BCL2: variants seen among roughly 807,000 people sequenced by gnomAD.
BCL2 encodes apoptosis regulator Bcl-2.
In BCL2, 1 loss-of-function variant was observed where a neutral mutation model predicts 14.2. The observed-to-expected ratio is 0.07, with a 90% CI of 0.02 to 0.33. The LOEUF (loss-of-function observed/expected upper bound fraction) is 0.33. BCL2 is among the 10% of genes least tolerant of loss of function. The probability of loss-of-function intolerance (pLI) is 0.99; values close to 1 mark genes in which losing one functional copy is unlikely to be tolerated. For missense variants in BCL2, 247 were observed against 305.9 expected, an observed-to-expected ratio of 0.81 and a Z score of 1.44; for synonymous variants, 151 against 137.2, an observed-to-expected ratio of 1.10 and a Z score of -0.70.
At chr18:63,256,014 A>G (rs937818904) in intron 2 of BCL2, among the ~76,000 whole-genome samples, 1 of 146,936 alleles carries the variant, frequency 6.8e-6, no homozygotes, top group Non-Finnish European at 1.5e-5. Flanking sequence ...TTCTTCCTTA[A>G]GGAGAGAAAG....
chr18:63,304,380 T>C (rs966102675), intron 2 of BCL2, among the ~76,000 whole-genome samples: 1 of 152,174 alleles, frequency 6.6e-6, no homozygotes, highest in South Asian at 2.1e-4. Context: ...ACCCTACTGA[T>C]GAAGGCTCCA....
intron 2 of BCL2, among the ~76,000 whole-genome samples, chr18:63,209,780 G>C (rs1909950022): frequency 6.6e-6 from 1 of 152,142 alleles, no homozygotes; most frequent in Non-Finnish European, 1.5e-5. Flanking sequence ...GCAAATGTCT[G>C]AATTTACCTG....
chr18:63,263,083 C>T (rs547544392), intron 2 of BCL2, among the ~76,000 whole-genome samples: 1 of 152,128 alleles, frequency 6.6e-6, no homozygotes, highest in Admixed American at 6.5e-5. Flanking sequence ...AAATCCTTCC[C>T]GGAAAACTGT....
intron 2 of BCL2, among the ~76,000 whole-genome samples, chr18:63,270,230 A>G (rs1911966895): frequency 6.6e-6 from 1 of 152,212 alleles, no homozygotes; most frequent in South Asian, 2.1e-4. Context: ...AGCTGCAACA[A>G]TTCCATTTCT....
At chr18:63,228,019 C>G (rs1910594329) in intron 2 of BCL2, among the ~76,000 whole-genome samples, 1 of 152,216 alleles carries the variant, frequency 6.6e-6, no homozygotes, top group African/African-American at 2.4e-5. Flanking sequence ...GGTGAGGCCT[C>G]TCTTTTTGGC....
chr18:63,258,283 A>G (rs1176902730), intron 2 of BCL2, among the ~76,000 whole-genome samples: 1 of 152,212 alleles, frequency 6.6e-6, no homozygotes, highest in Non-Finnish European at 1.5e-5. Context: ...TAAGCCACCC[A>G]GTTTACGGTA....
chr18:63,164,614 A>C (rs886264907), intron 2 of BCL2, among the ~76,000 whole-genome samples: 11 of 152,244 alleles, frequency 7.2e-5, no homozygotes, highest in Admixed American at 7.2e-4. Context: ...CCCTGCCCAG[A>C]CCAGTGTCTG....
chr18:63,233,592 A>G (rs1451936352), intron 2 of BCL2, among the ~76,000 whole-genome samples: 1 of 152,166 alleles, frequency 6.6e-6, no homozygotes, highest in Non-Finnish European at 1.5e-5. Flanking sequence ...TTGCGCTCCT[A>G]TGAGAATCTA....
rs534134666 is a variant in BCL2, at chr18:63,259,040, C to A, written c.585+59042G>T. Among the ~76,000 whole-genome samples, 4 of 152,316 alleles carry A rather than the reference C, an allele frequency of 2.6e-5. No individual in the cohort carries two copies. In the East Asian group the frequency reaches 7.7e-4, roughly 29 times the overall value. On this transcript the variant is annotated intron_variant, in intron 2 of 2. Transcript: ENST00000333681. ...CATTTGTTCATCACATTTTATTGAA[C>A]CCATAAAAAGACATTCTAAGTGCTC...
chr18:63,249,832 A>T (rs1384529940), intron 2 of BCL2, among the ~76,000 whole-genome samples: 1 of 151,964 alleles, frequency 6.6e-6, no homozygotes, highest in Non-Finnish European at 1.5e-5. Flanking sequence ...ACTAAAAAAA[A>T]TGGTAGTTTC....
intron 2 of BCL2, among the ~76,000 whole-genome samples, chr18:63,307,132 C>T (rs1196445014): frequency 6.6e-6 from 1 of 152,150 alleles, no homozygotes; most frequent in Non-Finnish European, 1.5e-5. Context: ...CACAGAGATG[C>T]AAGTGAATCC....
intron 2 of BCL2, among the ~76,000 whole-genome samples, chr18:63,268,799 C>A (rs1911915740): frequency 6.6e-6 from 1 of 152,122 alleles, no homozygotes; most frequent in Non-Finnish European, 1.5e-5. Flanking sequence ...AGCAGATGGT[C>A]AGTTTTCAAA....
chr18:63,257,791 T>A (rs909661681), intron 2 of BCL2, among the ~76,000 whole-genome samples: 3 of 152,238 alleles, frequency 2.0e-5, no homozygotes, highest in Admixed American at 6.5e-5. Flanking sequence ...GTTTGAGAAA[T>A]AAGCAATGTC....
At chr18:63,179,500 C>T (rs1382283121) in intron 2 of BCL2, among the ~76,000 whole-genome samples, 2 of 152,174 alleles carry the variant, frequency 1.3e-5, no homozygotes, top group African/African-American at 2.4e-5. Flanking sequence ...CCCATGTTTT[C>T]TCCTGGTGCT....
rs539061071 is a variant in BCL2 at position 63,124,183 on chromosome 18, T to C, written c.*4442A>G. 75 of 222,820 alleles carry C rather than the reference T, an allele frequency of 3.4e-4. No individual in the cohort carries two copies. The highest frequency in any genetic ancestry group is 1.6e-3 in the African/African-American group (73 of 44,828). 13.8% of individuals were successfully genotyped at this position (222,820 alleles called of 1,614,324 possible). A position where few individuals can be genotyped will look rare whatever the true frequency, so the allele number is the denominator to read the frequency against. The stretch of plus-strand genomic sequence containing the variant: ...ATTCACTGGGTAAGACTAAAGGACT[T>C]GTATTATCACTCTCCAATTCAGTTT... On this transcript the variant is annotated 3_prime_UTR_variant, in exon 3 of 3. Transcript: ENST00000333681.
rs769382058 is a variant in BCL2 at position 63,156,566 on chromosome 18, G to A, written c.586-27807C>T. Among the ~76,000 whole-genome samples, 83 of 152,216 alleles carry A rather than the reference G, an allele frequency of 5.5e-4. 2 individuals carry two copies. Among genetic ancestry groups the A allele is most frequent in the South Asian group, 2.1e-4 (1 of 4,820 alleles). ...ACCCAAATGCCCAACACCTGTACTG[G>A]CCCCTCCAGTCTCACCCTCATCTGA... is the stretch of plus-strand genomic sequence containing the variant. On this transcript the variant is annotated intron_variant, in intron 2 of 2. Coordinates refer to ENST00000333681, the MANE Select transcript of BCL2 (RefSeq NM_000633.3).
chr18:63,160,557 G>A (rs1277781459), intron 2 of BCL2, among the ~76,000 whole-genome samples: 1 of 152,134 alleles, frequency 6.6e-6, no homozygotes, highest in Non-Finnish European at 1.5e-5. Flanking sequence ...TTTCAACACC[G>A]AGAGGAGTTC....
intron 2 of BCL2, among the ~76,000 whole-genome samples, chr18:63,250,217 C>T (rs145854562): frequency 2.5e-4 from 38 of 152,272 alleles, no homozygotes; most frequent in Admixed American, 7.2e-4. Context: ...CAACTACTAC[C>T]GCTACTGCAA....
At chr18:63,177,383 G>A (rs1376813756) in intron 2 of BCL2, among the ~76,000 whole-genome samples, 1 of 152,136 alleles carries the variant, frequency 6.6e-6, no homozygotes, top group Non-Finnish European at 1.5e-5. Context: ...ATGAGGAGTA[G>A]CACAAAGAAC....
Sources: gnomAD v4.1 joint callset for allele counts (sites outside exome capture counted in the v4.1 genomes callset) on GRCh38, gnomAD v4.1.1 for gene constraint, MANE v1.5 for transcripts, NCBI Gene and HGNC (gene_info 2026-07-23, HGNC 2026-07-21) for gene names.